The following PIGN variants were observed in gnomAD, a reference collection of about 807,000 sequenced individuals.
PIGN encodes the protein GPI ethanolamine phosphate transferase 1.
Under a neutral mutation model 125.4 loss-of-function variants are expected in PIGN, and 117 were observed. That is an observed-to-expected ratio of 0.93 (90% CI 0.80 to 1.09). The LOEUF is 1.09. Among genes scored for constraint, PIGN ranks in the 50% least tolerant of loss-of-function variants. The pLI is 0.00. For synonymous variants in PIGN, 392 were observed against 377.8 expected (o/e 1.04, Z -0.44); for missense variants, 1,075 against 1,094.9 (o/e 0.98, Z 0.26).
At chr18:62,167,237 T>C (rs992336248) in intron 1 of PIGN, among the ~76,000 whole-genome samples, 1 of 136,780 alleles carries the variant, frequency 7.3e-6, no homozygotes, top group African/African-American at 2.5e-5. Flanking sequence ...TCTCTCTCTA[T>C]ATATATATAC....
At chr18:62,057,531 C>T (rs1966360257) in intron 30 of PIGN, among the ~76,000 whole-genome samples, 1 of 152,196 alleles carries the variant, frequency 6.6e-6, no homozygotes. Flanking sequence ...GCTTACGATA[C>T]CACGAAAGCC....
At chr18:62,132,235 A>G (rs947709476) in intron 14 of PIGN, among the ~76,000 whole-genome samples, 1 of 152,196 alleles carries the variant, frequency 6.6e-6, no homozygotes, top group Non-Finnish European at 1.5e-5. Flanking sequence ...TGTGAAAAAA[A>G]CCCACTGGAC....
intron 26 of PIGN, 63 bp from the exon 27 acceptor site, chr18:62,084,669 T>C (rs1378169924): frequency 1.2e-5 from 12 of 1,023,994 alleles, no homozygotes; most frequent in East Asian, 5.2e-5. Context: ...AAGAATATTC[T>C]TCTAAAAAGA....
At position 62,130,462 on chromosome 18, in the gene PIGN, A is replaced by T. The variant is rs143161784; in HGVS notation, c.1172+7781T>A. ...TCTACATAGTAATTTGTGAGGAAAA[A>T]TTTCCTTTATTGACTAAATTGTTTT... On this transcript the variant is annotated intron_variant, in intron 14 of 30. Coordinates refer to ENST00000640252, the MANE Select transcript of PIGN (RefSeq NM_176787.5). Among the ~76,000 whole-genome samples the T allele has an allele frequency of 1.1e-3, 164 of 152,248 alleles. 4 individuals are homozygous for T. In the East Asian group the frequency reaches 0.03, roughly 28 times the overall value.
In PIGN at chr18:62,101,110, G is replaced by A; in HGVS notation, c.2042C>T (p.Pro681Leu). 1 of 1,610,656 alleles carries A rather than the reference G, an allele frequency of 6.2e-7. No individual in the cohort carries two copies. The highest frequency in any genetic ancestry group is 8.5e-7 in the Non-Finnish European group (1 of 1,177,202). The part of the protein sequence containing the change: ...QSSLLRKQGL[P>L]LMNQIISWAT... ...CCAGCTAATAATTTGATTCATGAGA[G>A]GCAGTCCTTGCTTCCTGAGTAGACT... Residue 681 changes from proline (P) to leucine (L), a missense_variant, in exon 22 of 31, where the codon CCT (proline) becomes CTT (leucine). By Grantham distance (98) the Pro-to-Leu change is moderately conservative (BLOSUM62 -3). Coordinates refer to ENST00000640252, the MANE Select transcript of PIGN (RefSeq NM_176787.5).
intron 30 of PIGN, among the ~76,000 whole-genome samples, chr18:62,049,788 G>A (rs919925506): frequency 1.3e-5 from 2 of 151,864 alleles, no homozygotes; most frequent in African/African-American, 4.8e-5. Context: ...CCTATGTCCT[G>A]AATGGTAATG....
chr18:62,117,106 T>C (rs2035115811), intron 14 of PIGN, among the ~76,000 whole-genome samples: 1 of 152,146 alleles, frequency 6.6e-6, no homozygotes, highest in Non-Finnish European at 1.5e-5. Flanking sequence ...TATCAAAGAT[T>C]TGCAATATAT....
At chr18:62,060,801 G>A (rs981438266) in intron 30 of PIGN, among the ~76,000 whole-genome samples, 7 of 151,994 alleles carry the variant, frequency 4.6e-5, no homozygotes, top group African/African-American at 1.5e-4. Flanking sequence ...CTGAATATAC[G>A]TTTTTATAGT....
intron 30 of PIGN, among the ~76,000 whole-genome samples, chr18:62,057,571 G>A (rs931444324): frequency 6.6e-6 from 1 of 152,002 alleles, no homozygotes; most frequent in African/African-American, 2.4e-5. Context: ...TCCCTCTCTC[G>A]ATCCCTCCAA....
intron 14 of PIGN, among the ~76,000 whole-genome samples, chr18:62,120,373 A>G (rs1404923896): frequency 1.3e-5 from 2 of 152,234 alleles, no homozygotes; most frequent in Non-Finnish European, 2.9e-5. Flanking sequence ...TAAAATAATG[A>G]ATTTTCAAAC....
At chr18:62,114,179 T>C (rs931836662) in intron 15 of PIGN, among the ~76,000 whole-genome samples, 4 of 152,158 alleles carry the variant, frequency 2.6e-5, no homozygotes, top group East Asian at 1.9e-4. Flanking sequence ...CTGGCCAACA[T>C]GGCAAAACCC....
At position 62,090,536 on chromosome 18, in the gene PIGN, A is replaced by G; in HGVS notation, c.2223T>C (p.Phe741=). The G allele has an allele frequency of 6.2e-7, 1 of 1,611,518 alleles. No individual in the cohort carries two copies. Among genetic ancestry groups the G allele is most frequent in the Non-Finnish European group, 8.5e-7 (1 of 1,178,358 alleles). The stretch of plus-strand genomic sequence containing the variant: ...TTTCTTGTTCTATGTTTATCCAGAC[A>G]AACATCAAACAAGACAACACTAGTG... ...LFPLVLSCLM[F]VWINIEQETL... The change falls in exon 24 of 31, where the codon TTT becomes TTC. Residue 741 remains phenylalanine (F), a synonymous_variant. Transcript: ENST00000640252.
intron 23 of PIGN, among the ~76,000 whole-genome samples, chr18:62,091,805 C>T (rs1249297349): frequency 6.6e-6 from 1 of 152,162 alleles, no homozygotes; most frequent in African/African-American, 2.4e-5. Context: ...CACATGTCTA[C>T]CTGTAAGCGT....
At position 62,085,237 on chromosome 18, in the gene PIGN, CA is replaced by C; in HGVS notation, c.2397del (p.Phe799LeufsTer6). The C allele has an allele frequency of 1.3e-6, 2 of 1,543,800 alleles. No homozygotes were observed. Among genetic ancestry groups the C allele is most frequent in the Non-Finnish European group, 1.8e-6 (2 of 1,140,790 alleles). On this transcript the variant is annotated frameshift_variant, in exon 26 of 31. Coordinates refer to ENST00000640252, the MANE Select transcript of PIGN (RefSeq NM_176787.5). LOFTEE classifies it high-confidence loss of function. ...FLVFFLVTAF[F>X]GTGNIASINS... ...TTAATAGAAGCTATATTTCCAGTTC[CA>C]AAAAATGCTGTCACTAAGAAGAAAA... is the stretch of plus-strand genomic sequence containing the variant.
chr18:62,184,240 T>G lies in PIGN; in HGVS notation c.-236+2604A>C, dbSNP rs746443980. On this transcript the variant is annotated intron_variant, in intron 1 of 30. Transcript: ENST00000640252. ...GACTATTAAAACCTAAAATAATTTT[T>G]TAAATACTAAAATGATTGACGTGCT... Among the ~76,000 whole-genome samples, 7 of 152,192 alleles carry G rather than the reference T, an allele frequency of 4.6e-5. 1 individual carries two copies. The highest frequency in any genetic ancestry group is 6.3e-3 in the Middle Eastern group (2 of 316).
At chr18:62,092,926 C>A (rs1176508839) in intron 23 of PIGN, among the ~76,000 whole-genome samples, 2 of 152,080 alleles carry the variant, frequency 1.3e-5, no homozygotes, top group East Asian at 3.9e-4. Flanking sequence ...TCATACAATT[C>A]ACAACTTCAT....
intron 1 of PIGN, among the ~76,000 whole-genome samples, chr18:62,173,565 A>C (rs541232094): frequency 6.6e-6 from 1 of 152,298 alleles, no homozygotes; most frequent in Admixed American, 6.5e-5. Flanking sequence ...CTTGGAGATC[A>C]TGTCCTTAGC....
At chr18:62,168,830 C>G (rs1261850361) in intron 1 of PIGN, among the ~76,000 whole-genome samples, 1 of 151,614 alleles carries the variant, frequency 6.6e-6, no homozygotes, top group Non-Finnish European at 1.5e-5. Flanking sequence ...TCCAACATTA[C>G]CCCATTTCCT....
At chr18:62,088,561 AC>A (rs1054077469) in intron 25 of PIGN, 194 bp downstream of exon 25, 49 of 395,376 alleles carry the variant, frequency 1.2e-4, no homozygotes, top group African/African-American at 9.9e-4. Context: ...ATATATATAT[AC>A]ATACATAAAA....
Sources: allele counts gnomAD v4.1 joint callset (sites outside exome capture counted in the v4.1 genomes callset), GRCh38; gene constraint gnomAD v4.1.1; transcripts MANE v1.5; gene names NCBI Gene and HGNC (gene_info 2026-07-23, HGNC 2026-07-21).